The following EPC2 variants were observed in gnomAD, a reference collection of about 807,000 sequenced individuals.
EPC2 encodes the protein enhancer of polycomb 2.
A neutral mutation model predicts 92.1 loss-of-function variants in EPC2; 14 were observed. The ratio of observed to expected loss-of-function variants is 0.15; its 90% CI spans 0.10 to 0.24. The LOEUF (loss-of-function observed/expected upper bound fraction) is 0.24, where lower values mean the gene tolerates loss of function less well. EPC2 is among the 10% of genes least tolerant of loss of function. The pLI is 1.00. For synonymous variants in EPC2, 340 were observed against 334.7 expected (o/e 1.02, Z -0.17); for missense variants, 755 against 971.5 (o/e 0.78, Z 2.96).
chr2:148,779,914 T>C (rs764273988), intron 10 of EPC2, among the ~76,000 whole-genome samples: 2 of 152,168 alleles, frequency 1.3e-5, no homozygotes, highest in East Asian at 1.9e-4. Context: ...ACAGATTTAT[T>C]TGGGTTTAAT....
At chr2:148,660,574 T>G (rs1038402085) in intron 1 of EPC2, among the ~76,000 whole-genome samples, 1 of 138,774 alleles carries the variant, frequency 7.2e-6, no homozygotes, top group Non-Finnish European at 1.5e-5. Context: ...TCAGTCAGAG[T>G]TTTTTTTTTT....
chr2:148,645,391 C>A, intron 1 of EPC2: 2 of 482,466 alleles, frequency 4.1e-6, no homozygotes, highest in Non-Finnish European at 7.4e-6. Context: ...GATTAGCTCG[C>A]AGCGCTGCTT....
intron 2 of EPC2, among the ~76,000 whole-genome samples, chr2:148,697,939 C>CAACT (rs1160410743): frequency 6.6e-6 from 1 of 151,962 alleles, no homozygotes; most frequent in Non-Finnish European, 1.5e-5. Flanking sequence ...TCTAAGCCTC[C>CAACT]AACTAAGCAC....
At chr2:148,729,060 A>G (rs1309662421) in intron 2 of EPC2, among the ~76,000 whole-genome samples, 5 of 145,908 alleles carry the variant, frequency 3.4e-5, no homozygotes, top group Admixed American at 3.4e-4. Flanking sequence ...AAAAAAAAGC[A>G]AACTTGGATT....
chr2:148,782,106 A>G (rs1226524106), intron 11 of EPC2, among the ~76,000 whole-genome samples: 1 of 152,192 alleles, frequency 6.6e-6, no homozygotes, highest in African/African-American at 2.4e-5. Flanking sequence ...TTGAAAGATA[A>G]AACTTTCCTA....
chr2:148,754,173 G>A lies in EPC2; in HGVS notation c.666+40G>A, dbSNP rs372366813. On this transcript the variant is annotated intron_variant, in intron 4 of 13. Transcript: ENST00000258484. ...AGGTTTCATTGAAGGTAGCTTAATAGTATTCAAGATCAATCTTTTTTTTTC... is the reference window on the plus strand; with the variant it reads ...AGGTTTCATTGAAGGTAGCTTAATAATATTCAAGATCAATCTTTTTTTTTC... 3.1e-5 allele frequency: 44 copies of A among 1,434,742 alleles called. No individual in the cohort carries two copies. In the Middle Eastern group the frequency reaches 9.2e-4, roughly 30 times the overall value. The allele number at this position is 1,434,742 out of a possible 1,614,324, so 88.9% of individuals were successfully genotyped here.
At chr2:148,735,610 T>C (rs1210863418) in intron 2 of EPC2, among the ~76,000 whole-genome samples, 1 of 152,022 alleles carries the variant, frequency 6.6e-6, no homozygotes, top group Non-Finnish European at 1.5e-5. Flanking sequence ...TTCTCTATAC[T>C]TATACCTTTT....
intron 1 of EPC2, among the ~76,000 whole-genome samples, chr2:148,653,009 G>GGT (rs780973916): frequency 6.6e-6 from 1 of 152,034 alleles, no homozygotes; most frequent in African/African-American, 2.4e-5. Flanking sequence ...TGTGTGTAAT[G>GGT]GTGTGTGTGT....
chr2:148,775,821 A>AG (rs1683630908), intron 10 of EPC2, among the ~76,000 whole-genome samples: 1 of 114,778 alleles, frequency 8.7e-6, no homozygotes, highest in African/African-American at 3.4e-5. Flanking sequence ...TCTGTTACCC[A>AG]GGCTGGAGTA....
intron 2 of EPC2, among the ~76,000 whole-genome samples, chr2:148,728,207 C>A (rs1388480820): frequency 6.6e-6 from 1 of 152,140 alleles, no homozygotes; most frequent in African/African-American, 2.4e-5. Flanking sequence ...TCCCAAAATA[C>A]TAGGATTACA....
intron 2 of EPC2, chr2:148,691,911 C>T (rs546363832): frequency 3.1e-5 from 15 of 485,354 alleles, no homozygotes; most frequent in Non-Finnish European, 5.2e-5. Context: ...AATATTAACA[C>T]ACAAGCATAA....
rs1338119376 is a variant in EPC2 at position 148,787,378 on chromosome 2, G to A, written c.*1001G>A. 1 of 152,606 alleles carries A rather than the reference G, an allele frequency of 6.6e-6. No homozygotes were observed. The highest frequency in any genetic ancestry group is 1.5e-5 in the Non-Finnish European group (1 of 68,036). 9.5% of individuals were successfully genotyped at this position (152,606 alleles called of 1,614,324 possible). A position where few individuals can be genotyped will look rare whatever the true frequency, so the allele number is the denominator to read the frequency against. On this transcript the variant is annotated 3_prime_UTR_variant, in exon 14 of 14. Coordinates refer to ENST00000258484, the MANE Select transcript of EPC2 (RefSeq NM_015630.4). ...CAAGGCAAGTAACGGGTTGGAAAAA[G>A]TCTGACTGTAAGCGTTGGACACCTT...
At chr2:148,676,094 C>T (rs1574575217) in intron 1 of EPC2, among the ~76,000 whole-genome samples, 1 of 151,588 alleles carries the variant, frequency 6.6e-6, no homozygotes, top group African/African-American at 2.4e-5. Flanking sequence ...TCTTGGTACT[C>T]ATTGTGTATG....
At chr2:148,703,230 A>G (rs1681923698) in intron 2 of EPC2, among the ~76,000 whole-genome samples, 1 of 152,106 alleles carries the variant, frequency 6.6e-6, no homozygotes, top group Non-Finnish European at 1.5e-5. Context: ...TTTAATTATT[A>G]GCCATTAATC....
chr2:148,777,170 T>A (rs1426719585), intron 10 of EPC2, among the ~76,000 whole-genome samples: 1 of 151,488 alleles, frequency 6.6e-6, no homozygotes, highest in Non-Finnish European at 1.5e-5. Flanking sequence ...AAAGACACTG[T>A]CTCTTAAAAA....
chr2:148,753,572 A>G (rs893660295), intron 3 of EPC2, among the ~76,000 whole-genome samples: 3 of 152,174 alleles, frequency 2.0e-5, no homozygotes, highest in Admixed American at 2.0e-4. Flanking sequence ...TTGAAAACTG[A>G]TAGATCCTCA....
chr2:148,691,905 T>C (rs114642414), intron 2 of EPC2: 95 of 505,630 alleles, frequency 1.9e-4, no homozygotes, highest in Non-Finnish European at 3.1e-4. Context: ...TATACTAATA[T>C]TAACACACAA....
At chr2:148,705,298 A>T (rs77955329) in intron 2 of EPC2, among the ~76,000 whole-genome samples, 30 of 101,200 alleles carry the variant, frequency 3.0e-4, no homozygotes, top group East Asian at 1.4e-3. Flanking sequence ...TTATCATTTT[A>T]AAAAAAAAAC....
chr2:148,752,014 T>C (rs1055463893), intron 3 of EPC2, among the ~76,000 whole-genome samples: 5 of 152,116 alleles, frequency 3.3e-5, no homozygotes, highest in African/African-American at 1.2e-4. Flanking sequence ...GCAATACACA[T>C]TGTAAGCTGG....
Sources: allele counts gnomAD v4.1 joint callset (sites outside exome capture counted in the v4.1 genomes callset), GRCh38; gene constraint gnomAD v4.1.1; transcripts MANE v1.5; gene names NCBI Gene and HGNC (gene_info 2026-07-23, HGNC 2026-07-21).